ZNF804A: variants seen among roughly 807,000 people sequenced by gnomAD.
ZNF804A encodes the protein zinc finger protein 804A.
In ZNF804A, 2 loss-of-function variants were observed where a neutral mutation model predicts 16.5. The ratio of observed to expected loss-of-function variants is 0.12; its 90% CI spans 0.05 to 0.38. The LOEUF (loss-of-function observed/expected upper bound fraction) is 0.38. Ranked by LOEUF, ZNF804A falls within the 10% of genes least tolerant of loss-of-function variation. The probability of loss-of-function intolerance (pLI) is 0.99; values close to 1 mark genes in which losing one functional copy is unlikely to be tolerated. For synonymous variants in ZNF804A, 534 were observed against 489.6 expected (o/e 1.09, Z -1.20); for missense variants, 1,473 against 1,390.7 (o/e 1.06, Z -0.94).
chr2:184,849,741 G>A (rs1381419627), intron 1 of ZNF804A, among the ~76,000 whole-genome samples: 2 of 151,626 alleles, frequency 1.3e-5, no homozygotes, highest in Admixed American at 1.3e-4. Context: ...TAGGAAATTA[G>A]TATATTGAGG....
intron 2 of ZNF804A, among the ~76,000 whole-genome samples, chr2:184,898,203 G>C (rs964940317): frequency 6.6e-6 from 1 of 152,110 alleles, no homozygotes; most frequent in Non-Finnish European, 1.5e-5. Context: ...GAATGGTAGA[G>C]CATTAGAAAT....
intron 2 of ZNF804A, among the ~76,000 whole-genome samples, chr2:184,929,405 T>C (rs1348955849): frequency 6.6e-6 from 1 of 152,204 alleles, no homozygotes; most frequent in Non-Finnish European, 1.5e-5. Flanking sequence ...ATTGCACTTT[T>C]ATCTTACCAA....
chr2:184,653,161 T>G (rs1039164163), intron 1 of ZNF804A, among the ~76,000 whole-genome samples: 1 of 152,214 alleles, frequency 6.6e-6, no homozygotes, highest in African/African-American at 2.4e-5. Context: ...CATTAAGGTA[T>G]GAATCAATAC....
intron 1 of ZNF804A, among the ~76,000 whole-genome samples, chr2:184,791,468 A>C (rs1185234862): frequency 1.3e-5 from 2 of 152,178 alleles, no homozygotes; most frequent in African/African-American, 4.8e-5. Context: ...TTCTTAAAAG[A>C]GGCTAATAAT....
At chr2:184,815,721 G>A (rs962480039) in intron 1 of ZNF804A, among the ~76,000 whole-genome samples, 9 of 151,864 alleles carry the variant, frequency 5.9e-5, no homozygotes, top group Admixed American at 1.3e-4. Context: ...CATAAGGGGT[G>A]CTGTTATATA....
chr2:184,739,798 A>G (rs976666428), intron 1 of ZNF804A, among the ~76,000 whole-genome samples: 1 of 152,206 alleles, frequency 6.6e-6, no homozygotes, highest in Admixed American at 6.6e-5. Flanking sequence ...TGCTCTTCAG[A>G]TCTTACATGT....
intron 1 of ZNF804A, among the ~76,000 whole-genome samples, chr2:184,696,375 C>G (rs910107639): frequency 4.0e-5 from 6 of 151,864 alleles, no homozygotes; most frequent in African/African-American, 9.7e-5. Flanking sequence ...AGTCTGAAAT[C>G]TAGTAAAAAG....
In ZNF804A at chr2:184,874,221, C is replaced by G. The variant is rs72489096; in HGVS notation, c.255+7709C>G. Among the ~76,000 whole-genome samples, 98 of 152,116 alleles carry G rather than the reference C, an allele frequency of 6.4e-4. 1 individual carries two copies. The East Asian group carries it at 0.018, about 28-fold the overall frequency. On this transcript the variant is annotated intron_variant, in intron 2 of 3. Transcript: ENST00000302277. The stretch of plus-strand genomic sequence containing the variant: ...AATGGAAAATGATGAATACAAAACT[C>G]AGGATAGTGGTTACTTCAAGAGGTG...
chr2:184,882,323 G>A (rs759035917), intron 2 of ZNF804A, among the ~76,000 whole-genome samples: 58 of 152,142 alleles, frequency 3.8e-4, no homozygotes, highest in Non-Finnish European at 6.9e-4. Context: ...AAAGACTTAT[G>A]AAGAAAGAGA....
rs115293799 is a variant in ZNF804A, at chr2:184,745,959, G to A, written c.112-120410G>A. On this transcript the variant is annotated intron_variant, in intron 1 of 3. Coordinates refer to ENST00000302277, the MANE Select transcript of ZNF804A (RefSeq NM_194250.2). Reference sequence around the variant, plus strand: ...TTATGCCATAAATACAATAAAATTTGACATTATTAAATAAAAGTTTTGTTC... The same window carrying A: ...TTATGCCATAAATACAATAAAATTTAACATTATTAAATAAAAGTTTTGTTC... Among the ~76,000 whole-genome samples the A allele has an allele frequency of 9.9e-3, 1,502 of 151,584 alleles. 10 individuals are homozygous for A. Among genetic ancestry groups the A allele is most frequent in the Middle Eastern group, 0.027 (8 of 292 alleles).
chr2:184,920,894 C>T (rs1363632405), intron 2 of ZNF804A, among the ~76,000 whole-genome samples: 1 of 152,170 alleles, frequency 6.6e-6, no homozygotes, highest in African/African-American at 2.4e-5. Flanking sequence ...GATGAAAATA[C>T]ACCTTAGCCA....
intron 2 of ZNF804A, among the ~76,000 whole-genome samples, chr2:184,927,670 C>G (rs978140786): frequency 6.6e-6 from 1 of 152,148 alleles, no homozygotes; most frequent in Non-Finnish European, 1.5e-5. Context: ...ATTGTACTGT[C>G]GCTGAGCTGG....
At chr2:184,798,422 C>G (rs906966896) in intron 1 of ZNF804A, among the ~76,000 whole-genome samples, 1 of 151,634 alleles carries the variant, frequency 6.6e-6, no homozygotes, top group Non-Finnish European at 1.5e-5. Context: ...TTCTTGGAGG[C>G]TTTGTTCATA....
chr2:184,892,509 G>T (rs1685001541), intron 2 of ZNF804A, among the ~76,000 whole-genome samples: 1 of 79,544 alleles, frequency 1.3e-5, no homozygotes, highest in African/African-American at 4.6e-5. Flanking sequence ...TTTTTTTATG[G>T]AGTCTTGCTC....
chr2:184,877,823 G>A lies in ZNF804A; in HGVS notation c.255+11311G>A, dbSNP rs560818680. On this transcript the variant is annotated intron_variant, in intron 2 of 3. Transcript: ENST00000302277. ...TGATGTTTCATCCTTCTATGATACAGAAGAATAGTGAAGTACATCTCCACT... is the reference window on the plus strand; with the variant it reads ...TGATGTTTCATCCTTCTATGATACAAAAGAATAGTGAAGTACATCTCCACT... Among the ~76,000 whole-genome samples, 127 of 152,086 alleles carry A rather than the reference G, an allele frequency of 8.4e-4. No homozygotes were observed. In the South Asian group the frequency reaches 9.8e-3, roughly 12 times the overall value.
intron 3 of ZNF804A, among the ~76,000 whole-genome samples, chr2:184,935,502 T>C (rs1480097571): frequency 6.6e-6 from 1 of 152,170 alleles, no homozygotes; most frequent in Non-Finnish European, 1.5e-5. Flanking sequence ...GTAGACAATT[T>C]TGGTCAGATA....
intron 1 of ZNF804A, among the ~76,000 whole-genome samples, chr2:184,700,859 G>T (rs1692908261): frequency 6.6e-6 from 1 of 151,900 alleles, no homozygotes; most frequent in South Asian, 2.1e-4. Context: ...AAGATGAAAG[G>T]GTGAAGAAGA....
intron 1 of ZNF804A, among the ~76,000 whole-genome samples, chr2:184,776,481 A>ATT (rs376589278): frequency 1.2e-4 from 17 of 144,688 alleles, no homozygotes; most frequent in Admixed American, 6.9e-4. Flanking sequence ...TATAAACCTC[A>ATT]TTTTTTTTTT....
At chr2:184,836,040 A>G (rs976551341) in intron 1 of ZNF804A, among the ~76,000 whole-genome samples, 6 of 152,078 alleles carry the variant, frequency 3.9e-5, no homozygotes, top group Non-Finnish European at 1.5e-5. Flanking sequence ...TACCACTGAA[A>G]CTTGAATAAC....
Sources: gnomAD v4.1 joint callset for allele counts (sites outside exome capture counted in the v4.1 genomes callset) on GRCh38, gnomAD v4.1.1 for gene constraint, MANE v1.5 for transcripts, NCBI Gene and HGNC (gene_info 2026-07-23, HGNC 2026-07-21) for gene names.